Variants in BMAL2 observed in about 807,000 individuals in gnomAD.
The protein encoded by BMAL2 is basic helix-loop-helix ARNT-like protein 2.
the BMAL2 span, among the ~76,000 whole-genome samples, chr12:27,381,348 AGTTTAATTGGCTCCCG>A: frequency 5.6e-3 from 848 of 152,316 alleles, 10 homozygotes; most frequent in African/African-American, 0.019. Context: ...AATGAAAAGA[AGTTTAATTGGCTCCCG>A]GTTCCACAGG....
chr12:27,424,463 A>G, the BMAL2 span: 3 of 152,252 alleles, frequency 2.0e-5, no homozygotes, highest in African/African-American at 7.2e-5. Flanking sequence ...GACAAACAGG[A>G]AAGTACAGAA....
At chr12:27,372,230 CAAA>C in the BMAL2 span, among the ~76,000 whole-genome samples, 1 of 124,846 alleles carries the variant, frequency 8.0e-6, no homozygotes. Flanking sequence ...GACTCTATCT[CAAA>C]AAAAAAAAAA....
chr12:27,417,102 T>C, the BMAL2 span, among the ~76,000 whole-genome samples: 4 of 152,168 alleles, frequency 2.6e-5, no homozygotes, highest in Non-Finnish European at 4.4e-5. Context: ...GAGAAACAGA[T>C]TTATGTGGTA....
At chr12:27,406,732 C>A in the BMAL2 span, among the ~76,000 whole-genome samples, 19 of 152,170 alleles carry the variant, frequency 1.2e-4, no homozygotes, top group African/African-American at 4.1e-4. Flanking sequence ...GATCAAATTC[C>A]CACATAACAA....
At chr12:27,374,462 C>T in the BMAL2 span, among the ~76,000 whole-genome samples, 1 of 152,184 alleles carries the variant, frequency 6.6e-6, no homozygotes, top group South Asian at 2.1e-4. Flanking sequence ...GAGACTTGAA[C>T]ATCCACAGGT....
chr12:27,383,618 A>G, the BMAL2 span, among the ~76,000 whole-genome samples: 2 of 152,116 alleles, frequency 1.3e-5, no homozygotes, highest in Non-Finnish European at 2.9e-5. Context: ...TCTGCCTGGT[A>G]TGCTCTGCCA....
At chr12:27,407,698 G>A in the BMAL2 span, among the ~76,000 whole-genome samples, 3 of 152,120 alleles carry the variant, frequency 2.0e-5, no homozygotes, top group East Asian at 3.9e-4. Context: ...AGAAGCAAGA[G>A]CAAACACATT....
the BMAL2 span, among the ~76,000 whole-genome samples, chr12:27,375,322 C>T: frequency 6.6e-6 from 1 of 152,176 alleles, no homozygotes; most frequent in South Asian, 2.1e-4. Flanking sequence ...AAATATCCAA[C>T]AATAACAAAT....
At chr12:27,362,848 C>T in the BMAL2 span, among the ~76,000 whole-genome samples, 1 of 152,096 alleles carries the variant, frequency 6.6e-6, no homozygotes, top group Non-Finnish European at 1.5e-5. Flanking sequence ...GGGTCTCACT[C>T]TGTCACCCAG....
chr12:27,387,203 T>C, the BMAL2 span: 1 of 1,493,336 alleles, frequency 6.7e-7, no homozygotes, highest in Non-Finnish European at 9.3e-7. Flanking sequence ...TATTTTAAAA[T>C]ATTCACTTTT....
the BMAL2 span, chr12:27,424,791 C>T: frequency 6.6e-6 from 1 of 152,218 alleles, no homozygotes; most frequent in Non-Finnish European, 1.5e-5. Flanking sequence ...AGAAAAGCTG[C>T]TAAGTGGCCA....
the BMAL2 span, among the ~76,000 whole-genome samples, chr12:27,355,948 T>TGG: frequency 4.2e-4 from 64 of 152,184 alleles, 1 homozygote; most frequent in African/African-American, 1.4e-3. Context: ...GGACTTCCCT[T>TGG]TTAGACATCT....
At chr12:27,359,849 A>G in the BMAL2 span, among the ~76,000 whole-genome samples, 6 of 151,930 alleles carry the variant, frequency 3.9e-5, no homozygotes, top group African/African-American at 1.5e-4. Flanking sequence ...CATGAACTGA[A>G]CACCATTTGG....
chr12:27,369,750 G>A, the BMAL2 span, among the ~76,000 whole-genome samples: 1 of 152,186 alleles, frequency 6.6e-6, no homozygotes, highest in Non-Finnish European at 1.5e-5. Flanking sequence ...CATGCCACAT[G>A]GAGGGCACAG....
At chr12:27,412,831 A>G in the BMAL2 span, among the ~76,000 whole-genome samples, 8 of 152,194 alleles carry the variant, frequency 5.3e-5, no homozygotes, top group African/African-American at 1.7e-4. Context: ...TCACCAAGAC[A>G]CATTATAATC....
the BMAL2 span, among the ~76,000 whole-genome samples, chr12:27,384,455 C>G: frequency 6.6e-6 from 1 of 152,082 alleles, no homozygotes. Context: ...ACTGGAAAAT[C>G]TCATGAATCC....
the BMAL2 span, among the ~76,000 whole-genome samples, chr12:27,363,108 C>G: frequency 6.6e-6 from 1 of 152,160 alleles, no homozygotes; most frequent in Non-Finnish European, 1.5e-5. Flanking sequence ...CTGCACCTGG[C>G]CAGCATTATG....
the BMAL2 span, among the ~76,000 whole-genome samples, chr12:27,413,916 A>C: frequency 6.6e-6 from 1 of 152,142 alleles, no homozygotes; most frequent in Non-Finnish European, 1.5e-5. Flanking sequence ...CACCGGTAGT[A>C]CCAGCCATTT....
the BMAL2 span, chr12:27,403,482 A>G: frequency 6.2e-7 from 1 of 1,612,048 alleles, no homozygotes; most frequent in South Asian, 1.1e-5. Flanking sequence ...CTACTGGAAC[A>G]GTACTTGGTG....
Sources: allele counts gnomAD v4.1 joint callset (sites outside exome capture counted in the v4.1 genomes callset), GRCh38; gene constraint gnomAD v4.1.1; transcripts MANE v1.5; gene names NCBI Gene and HGNC (gene_info 2026-07-23, HGNC 2026-07-21).